Variants in TEK observed in about 807,000 individuals in gnomAD.
The protein encoded by TEK is TEK receptor tyrosine kinase.
Under a neutral mutation model 131.8 loss-of-function variants are expected in TEK, and 43 were observed. The observed-to-expected ratio is 0.33, with a 90% CI of 0.26 to 0.42. The LOEUF (loss-of-function observed/expected upper bound fraction) is 0.42. Among genes scored for constraint, TEK ranks in the 10% least tolerant of loss-of-function variants. TEK has a pLI of 1.00. For synonymous variants in TEK, 580 were observed against 491.6 expected (o/e 1.18, Z -2.38); for missense variants, 1,162 against 1,384.4 (o/e 0.84, Z 2.55).
At chr9:27,169,815 C>T (rs1224226593) in intron 4 of TEK, among the ~76,000 whole-genome samples, 186 bp downstream of exon 4, 1 of 152,210 alleles carries the variant, frequency 6.6e-6, no homozygotes, top group Non-Finnish European at 1.5e-5. Flanking sequence ...AGAGGAATGA[C>T]AGAGAAACCC....
intron 1 of TEK, among the ~76,000 whole-genome samples, chr9:27,146,110 A>G (rs1822908038): frequency 6.6e-6 from 1 of 152,134 alleles, no homozygotes; most frequent in South Asian, 2.1e-4. Flanking sequence ...GCTCATGCAA[A>G]CTTATAATAC....
intron 7 of TEK, 132 bp from the exon 8 acceptor site, chr9:27,183,327 G>A: frequency 3.0e-6 from 3 of 1,003,930 alleles, no homozygotes; most frequent in Middle Eastern, 6.3e-4. Context: ...TGTCTTATGT[G>A]ATGACAAAAC....
intron 1 of TEK, among the ~76,000 whole-genome samples, chr9:27,145,749 C>A (rs1822893418): frequency 6.6e-6 from 1 of 152,192 alleles, no homozygotes; most frequent in South Asian, 2.1e-4. Context: ...AATGAGTAGT[C>A]TGTCAAACAC....
rs181098453 is a variant in TEK, at chr9:27,214,254, C to T, written c.2991+657C>T. ...TAGTCCTAGAAGTACCGCATCCCTGCATGTTACAGCTGTGTGGATGAAATG... is the reference window on the plus strand; with the variant it reads ...TAGTCCTAGAAGTACCGCATCCCTGTATGTTACAGCTGTGTGGATGAAATG... On this transcript the variant is annotated intron_variant, in intron 18 of 22. Coordinates refer to ENST00000380036, the MANE Select transcript of TEK (RefSeq NM_000459.5). Among the ~76,000 whole-genome samples the T allele has an allele frequency of 6.6e-5, 10 of 152,376 alleles. No individual in the cohort carries two copies. In the East Asian group the frequency reaches 1.5e-3, roughly 23 times the overall value.
chr9:27,150,193 C>T (rs1706961309), intron 1 of TEK, among the ~76,000 whole-genome samples: 1 of 152,206 alleles, frequency 6.6e-6, no homozygotes, highest in Non-Finnish European at 1.5e-5. Context: ...AACACTGCTA[C>T]TCTGGGGTGA....
At chr9:27,190,028 C>A (rs1824753310) in intron 9 of TEK, among the ~76,000 whole-genome samples, 2 of 152,174 alleles carry the variant, frequency 1.3e-5, no homozygotes, top group African/African-American at 4.8e-5. Context: ...TGATAGCCAC[C>A]TGTGAAATAT....
intron 1 of TEK, among the ~76,000 whole-genome samples, chr9:27,122,194 A>G (rs1358344953): frequency 5.3e-5 from 8 of 152,214 alleles, no homozygotes; most frequent in Admixed American, 4.6e-4. Context: ...TTGGAGTTCC[A>G]AAGATAGTTA....
At chr9:27,215,716 A>G (rs1238709274) in intron 18 of TEK, among the ~76,000 whole-genome samples, 1 of 152,138 alleles carries the variant, frequency 6.6e-6, no homozygotes, top group Admixed American at 6.5e-5. Flanking sequence ...TGCTTGTGCT[A>G]GATTTTGGGG....
Position 27,203,041 on chromosome 9 carries a change from G to T in TEK, c.2131G>T (p.Asp711Tyr). Residue 711 changes from aspartate to tyrosine, a missense_variant, in exon 13 of 23, where the codon GAC becomes TAC. Transcript: ENST00000380036. ...GLEPETAYQV[D>Y]IFAENNIGSS... ...AGAGCCTGAAACAGCATACCAGGTG[G>T]ACATTTTTGCAGAGAACAACATAGG... The T allele has an allele frequency of 6.2e-7, 1 of 1,614,100 alleles. No homozygotes were observed. Among genetic ancestry groups the T allele is most frequent in the Non-Finnish European group, 8.5e-7 (1 of 1,179,984 alleles).
chr9:27,223,356 AC>A (rs1826169454), intron 21 of TEK, among the ~76,000 whole-genome samples: 1 of 152,346 alleles, frequency 6.6e-6, no homozygotes, highest in South Asian at 2.1e-4. Flanking sequence ...CTTAAAGCTG[AC>A]CACATAACTG....
At chr9:27,156,514 C>G (rs1823337007) in intron 1 of TEK, among the ~76,000 whole-genome samples, 2 of 151,736 alleles carry the variant, frequency 1.3e-5, no homozygotes, top group South Asian at 4.2e-4. Context: ...GTGGCCATGC[C>G]AAGAGTGGAG....
At chr9:27,207,235 T>C (rs1480045068) in intron 15 of TEK, among the ~76,000 whole-genome samples, 1 of 152,214 alleles carries the variant, frequency 6.6e-6, no homozygotes, top group Non-Finnish European at 1.5e-5. Flanking sequence ...TGCTATCTTG[T>C]GGGTTTGGGG....
intron 6 of TEK, among the ~76,000 whole-genome samples, chr9:27,179,243 C>G (rs530848427): frequency 6.6e-6 from 1 of 152,138 alleles, no homozygotes; most frequent in African/African-American, 2.4e-5. Context: ...TAAGTCCATA[C>G]AGTGATTATT....
rs902794822 is a variant in TEK, at chr9:27,217,756, T to C, written c.3060T>C (p.Asp1020=). The part of the protein sequence containing the change: ...LNYSVYTTNS[D]VWSYGVLLWE... ...ACAGTGTGTACACAACCAACAGTGATGTGTGAGTAAACTTCTTATTGCCAA... is the reference window on the plus strand; with the variant it reads ...ACAGTGTGTACACAACCAACAGTGACGTGTGAGTAAACTTCTTATTGCCAA... The change falls in exon 19 of 23, where the codon GAT becomes GAC. Residue 1020 remains aspartate (D), a splice_region_variant and synonymous_variant. Coordinates refer to ENST00000380036, the MANE Select transcript of TEK (RefSeq NM_000459.5). 3 of 1,610,716 alleles carry C rather than the reference T, an allele frequency of 1.9e-6. No homozygotes were observed. The highest frequency in any genetic ancestry group is 2.2e-5 in the East Asian group (1 of 44,602).
intron 1 of TEK, among the ~76,000 whole-genome samples, chr9:27,124,339 C>G (rs1821908535): frequency 6.6e-6 from 1 of 152,256 alleles, no homozygotes; most frequent in Non-Finnish European, 1.5e-5. Context: ...TGGGGCAGCT[C>G]TGCTCCTTGC....
chr9:27,136,086 T>TTTTA (rs1554689033), intron 1 of TEK, among the ~76,000 whole-genome samples: 14 of 42,120 alleles, frequency 3.3e-4, no homozygotes, highest in African/African-American at 1.1e-3. Context: ...AGGGCAGTTA[T>TTTTA]TTTTTTTTTT....
intron 9 of TEK, among the ~76,000 whole-genome samples, chr9:27,188,401 A>AC (rs1462929642): frequency 6.6e-6 from 1 of 152,232 alleles, no homozygotes; most frequent in Non-Finnish European, 1.5e-5. Context: ...ATAGTAGATT[A>AC]CTAAGAGGAA....
chr9:27,189,134 C>T (rs913336493), intron 9 of TEK, among the ~76,000 whole-genome samples: 19 of 152,204 alleles, frequency 1.2e-4, no homozygotes, highest in South Asian at 2.1e-4. Context: ...AAAAACAAAA[C>T]GAGTTATGCA....
At chr9:27,169,370 A>G in intron 3 of TEK, 107 bp from the exon 4 acceptor site, 1 of 1,438,918 alleles carries the variant, frequency 6.9e-7, no homozygotes, top group East Asian at 2.3e-5. Flanking sequence ...ATGTGAGAGC[A>G]CATTTTCTTG....
Sources: gnomAD v4.1 joint callset for allele counts (sites outside exome capture counted in the v4.1 genomes callset) on GRCh38, gnomAD v4.1.1 for gene constraint, MANE v1.5 for transcripts, NCBI Gene and HGNC (gene_info 2026-07-23, HGNC 2026-07-21) for gene names.